Variants in CPE observed in about 807,000 individuals in gnomAD.
CPE encodes the protein carboxypeptidase E.
CPE carries 17 observed loss-of-function variants against 53.5 expected under a neutral mutation model. The observed-to-expected ratio is 0.32, with a 90% CI of 0.22 to 0.48. The LOEUF is 0.48. CPE is among the 20% of genes least tolerant of loss of function. The probability of loss-of-function intolerance (pLI) is 0.99; values close to 1 mark genes in which losing one functional copy is unlikely to be tolerated. For missense variants in CPE, 524 were observed against 614.7 expected, an observed-to-expected ratio of 0.85 and a Z score of 1.56; for synonymous variants, 226 against 228.8, an observed-to-expected ratio of 0.99 and a Z score of 0.11.
intron 2 of CPE, 83 bp downstream of exon 2, chr4:165,464,669 C>T (rs1199616022): frequency 1.6e-6 from 2 of 1,243,462 alleles, no homozygotes; most frequent in East Asian, 2.6e-5. Flanking sequence ...AAAATTATGC[C>T]CTCGCACAAA....
intron 1 of CPE, among the ~76,000 whole-genome samples, chr4:165,428,560 G>C (rs1350475051): frequency 6.6e-6 from 1 of 152,154 alleles, no homozygotes; most frequent in Non-Finnish European, 1.5e-5. Flanking sequence ...CCACAAATTT[G>C]GTTGTTTAAA....
At chr4:165,448,332 A>G (rs952769241) in intron 1 of CPE, among the ~76,000 whole-genome samples, 14 of 152,220 alleles carry the variant, frequency 9.2e-5, no homozygotes, top group African/African-American at 3.1e-4. Context: ...GGGAATTTAA[A>G]TATATCATTT....
chr4:165,411,624 T>C (rs1731044246), intron 1 of CPE, among the ~76,000 whole-genome samples: 1 of 152,172 alleles, frequency 6.6e-6, no homozygotes, highest in Non-Finnish European at 1.5e-5. Context: ...TTGTCATAGC[T>C]CACATGGAAA....
chr4:165,459,675 G>GGT (rs945463810), intron 1 of CPE, among the ~76,000 whole-genome samples: 1 of 81,640 alleles, frequency 1.2e-5, no homozygotes, highest in Non-Finnish European at 2.2e-5. Flanking sequence ...AGGGCTGGGT[G>GGT]GGGGGGGGCG....
chr4:165,460,851 T>C (rs17502660), intron 1 of CPE, among the ~76,000 whole-genome samples: 5,078 of 152,232 alleles, frequency 0.033, 125 homozygotes, highest in South Asian at 0.048. Flanking sequence ...GGTGACACAC[T>C]GGTGAGCTAA....
intron 3 of CPE, 52 bp downstream of exon 3, chr4:165,467,907 T>A (rs1198353025): frequency 3.8e-6 from 6 of 1,570,354 alleles, no homozygotes; most frequent in Middle Eastern, 1.8e-4. Flanking sequence ...TAAGGAAATA[T>A]GTTCCAATAT....
At chr4:165,387,543 T>G (rs775665035) in intron 1 of CPE, among the ~76,000 whole-genome samples, 94 of 152,100 alleles carry the variant, frequency 6.2e-4, no homozygotes, top group Non-Finnish European at 9.0e-4. Context: ...GGGCGTGGTG[T>G]CTCACACCTG....
intron 1 of CPE, among the ~76,000 whole-genome samples, chr4:165,421,492 T>C (rs1003348075): frequency 6.6e-5 from 10 of 152,224 alleles, no homozygotes; most frequent in African/African-American, 2.4e-4. Context: ...CATTCCTAGA[T>C]TGGTGAATTG....
intron 8 of CPE, among the ~76,000 whole-genome samples, chr4:165,496,968 G>A (rs1732713511): frequency 6.6e-6 from 1 of 152,102 alleles, no homozygotes; most frequent in Non-Finnish European, 1.5e-5. Flanking sequence ...TGTCGCCCAG[G>A]CTGGAGTGCA....
Position 165,484,528 on chromosome 4 carries a change from A to G in CPE, c.897A>G (p.Pro299=), listed in dbSNP as rs559552538. The change falls in exon 5 of 9, where the codon CCA becomes CCG. Residue 299 remains proline (P), a synonymous_variant. Transcript: ENST00000402744. ...CCATGTCTGACCCCAATCGGCCACC[A>G]TGTCGCAAGAATGATGATGACAGCA... is the stretch of plus-strand genomic sequence containing the variant. ...NPAMSDPNRP[P]CRKNDDDSSF... 14 of 1,614,152 alleles carry G rather than the reference A, an allele frequency of 8.7e-6. No individual in the cohort carries two copies. In the African/African-American group the frequency reaches 1.3e-4, roughly 15 times the overall value.
intron 1 of CPE, among the ~76,000 whole-genome samples, chr4:165,429,668 C>G (rs1731377157): frequency 6.6e-6 from 1 of 151,416 alleles, no homozygotes; most frequent in Non-Finnish European, 1.5e-5. Context: ...TGCCTCTGCA[C>G]TCCAGCTTGG....
intron 1 of CPE, among the ~76,000 whole-genome samples, chr4:165,445,651 A>C (rs892454544): frequency 6.6e-6 from 1 of 152,230 alleles, no homozygotes; most frequent in Non-Finnish European, 1.5e-5. Flanking sequence ...ACTTGAATAA[A>C]TACAAATTAA....
intron 1 of CPE, among the ~76,000 whole-genome samples, chr4:165,393,044 G>C (rs1485337595): frequency 6.6e-6 from 1 of 151,750 alleles, no homozygotes; most frequent in Non-Finnish European, 1.5e-5. Context: ...GTAAGCCATG[G>C]AATATAAAGA....
At chr4:165,405,668 C>A in intron 1 of CPE, 1 of 783,868 alleles carries the variant, frequency 1.3e-6, no homozygotes, top group East Asian at 2.5e-5. Flanking sequence ...ATTGTCCATT[C>A]CTCTGGAAGT....
intron 1 of CPE, among the ~76,000 whole-genome samples, chr4:165,442,306 A>G (rs912518605): frequency 1.3e-5 from 2 of 152,162 alleles, no homozygotes; most frequent in African/African-American, 4.8e-5. Context: ...AGCCTCTCAA[A>G]GTGTTGGGAT....
In CPE at chr4:165,487,484, CGTGGA is replaced by C; in HGVS notation, c.1022_1026del (p.Val341AlafsTer2). ...TTAGCAGCAACTGTTTTGAGATCAC[CGTGGA>C]GCTTAGCTGTGAGAAGTTCCCACCT... On this transcript the variant is annotated frameshift_variant, in exon 6 of 9. Coordinates refer to ENST00000402744, the MANE Select transcript of CPE (RefSeq NM_001873.4). LOFTEE classifies it high-confidence loss of function. 6.2e-7 allele frequency: 1 copy of C among 1,614,040 alleles called. No individual in the cohort carries two copies. Among genetic ancestry groups the C allele is most frequent in the East Asian group, 2.2e-5 (1 of 44,872 alleles).
intron 3 of CPE, 77 bp downstream of exon 3, chr4:165,467,932 AG>A: frequency 6.8e-7 from 1 of 1,471,098 alleles, no homozygotes; most frequent in Non-Finnish European, 9.3e-7. Flanking sequence ...ATCATCATGA[AG>A]GACAGAGGAG....
At chr4:165,482,466 T>G in intron 4 of CPE, 107 bp downstream of exon 4, 1 of 749,474 alleles carries the variant, frequency 1.3e-6, no homozygotes. Context: ...CATTAAGTGA[T>G]TTTTGCCTGA....
chr4:165,495,158 T>C (rs1017355792), intron 7 of CPE, among the ~76,000 whole-genome samples: 1 of 152,232 alleles, frequency 6.6e-6, no homozygotes, highest in Non-Finnish European at 1.5e-5. Context: ...AAGGGCTACC[T>C]TTGGCCCACA....
Sources: gnomAD v4.1 joint callset for allele counts (sites outside exome capture counted in the v4.1 genomes callset) on GRCh38, gnomAD v4.1.1 for gene constraint, MANE v1.5 for transcripts, NCBI Gene and HGNC (gene_info 2026-07-23, HGNC 2026-07-21) for gene names.